JAZF1: variants seen among roughly 807,000 people sequenced by gnomAD.
The protein encoded by JAZF1 is juxtaposed with another zinc finger protein 1.
JAZF1 carries 8 observed loss-of-function variants against 26.4 expected under a neutral mutation model. The observed-to-expected ratio is 0.30, with a 90% confidence interval of 0.18 to 0.55. The LOEUF is 0.55. Ranked by LOEUF, JAZF1 falls within the 20% of genes least tolerant of loss-of-function variation. The probability of loss-of-function intolerance (pLI) is 0.94; values close to 1 mark genes in which losing one functional copy is unlikely to be tolerated. For missense variants in JAZF1, 199 were observed against 322.0 expected (o/e 0.62, Z 2.92); for synonymous variants, 126 against 122.3 (o/e 1.03, Z -0.20).
chr7:27,992,105 A>C, intron 1 of JAZF1, 124 bp from the exon 2 acceptor site: 1 of 730,406 alleles, frequency 1.4e-6, no homozygotes, highest in Non-Finnish European at 2.6e-6. Flanking sequence ...CTTTTTAAAG[A>C]AAACTGAGTC....
intron 3 of JAZF1, among the ~76,000 whole-genome samples, chr7:27,872,094 C>T (rs1052742371): frequency 6.6e-6 from 1 of 152,182 alleles, no homozygotes; most frequent in Non-Finnish European, 1.5e-5. Context: ...CACATAAACT[C>T]GTCCCCGCCA....
At chr7:28,087,022 T>G (rs1784222002) in intron 1 of JAZF1, among the ~76,000 whole-genome samples, 1 of 152,226 alleles carries the variant, frequency 6.6e-6, no homozygotes, top group Admixed American at 6.5e-5. Flanking sequence ...CTCATACTAA[T>G]CAATTTAATT....
intron 2 of JAZF1, among the ~76,000 whole-genome samples, chr7:27,981,779 G>A (rs1313128210): frequency 1.3e-5 from 2 of 152,110 alleles, no homozygotes; most frequent in Non-Finnish European, 2.9e-5. Context: ...TCTCCGAGAT[G>A]ACTTATCCAA....
intron 1 of JAZF1, among the ~76,000 whole-genome samples, chr7:28,112,439 C>T (rs1784675798): frequency 1.3e-5 from 2 of 152,120 alleles, no homozygotes; most frequent in Admixed American, 1.3e-4. Flanking sequence ...TAAGAGCACA[C>T]TTAAAGTTTG....
At chr7:27,886,077 A>T (rs1783857056) in intron 3 of JAZF1, among the ~76,000 whole-genome samples, 1 of 152,212 alleles carries the variant, frequency 6.6e-6, no homozygotes, top group South Asian at 2.1e-4. Flanking sequence ...TTGAAAGCAG[A>T]GCGGGGATAT....
intron 3 of JAZF1, chr7:27,843,214 T>A (rs528272853): frequency 6.6e-6 from 1 of 152,270 alleles, no homozygotes; most frequent in Non-Finnish European, 1.5e-5. Context: ...GTGAAACTAG[T>A]CATCTCCCTC....
intron 4 of JAZF1, among the ~76,000 whole-genome samples, chr7:27,834,434 T>A (rs1319670600): frequency 6.6e-6 from 1 of 152,226 alleles, no homozygotes; most frequent in Non-Finnish European, 1.5e-5. Context: ...GCTCAGAGTC[T>A]GAAGGTTGTC....
intron 1 of JAZF1, among the ~76,000 whole-genome samples, chr7:28,105,392 G>A (rs1171340868): frequency 1.3e-5 from 2 of 152,206 alleles, no homozygotes; most frequent in Non-Finnish European, 2.9e-5. Flanking sequence ...GACTCCTGGT[G>A]AGGAAGGTAA....
intron 1 of JAZF1, among the ~76,000 whole-genome samples, chr7:28,158,720 C>T (rs1446439193): frequency 1.3e-5 from 2 of 152,184 alleles, no homozygotes; most frequent in Non-Finnish European, 2.9e-5. Flanking sequence ...GTTTTTTTGC[C>T]TAAGTCCTCT....
intron 1 of JAZF1, among the ~76,000 whole-genome samples, chr7:28,073,250 G>A (rs940887377): frequency 1.2e-4 from 19 of 152,182 alleles, no homozygotes; most frequent in Non-Finnish European, 1.2e-4. Flanking sequence ...GTGCCGGAGC[G>A]TGGCTGGAGA....
Position 28,180,468 on chromosome 7 carries a change from T to G in JAZF1, c.110A>C (p.His37Pro). Residue 37 changes from histidine to proline, a missense_variant, in exon 1 of 5, where the codon CAC becomes CCC. Around this residue, in one of 2 missense-constraint regions of JAZF1, gnomAD observed 137 missense variants for 184.8 expected, o/e 0.74. Coordinates refer to ENST00000283928, the MANE Select transcript of JAZF1 (RefSeq NM_175061.4). ...CCCACCCCCGGGCCATTTACCGATGTGGTTGTCCTCGATGTGCTCGATGAG... is the reference window on the plus strand; with the variant it reads ...CCCACCCCCGGGCCATTTACCGATGGGGTTGTCCTCGATGTGCTCGATGAG... Reference protein sequence around the residue: ...ADLIEHIEDNHIDTDPRVLEK... With the variant: ...ADLIEHIEDNPIDTDPRVLEK... 6.2e-7 allele frequency: 1 copy of G among 1,606,682 alleles called. No individual in the cohort carries two copies. Among genetic ancestry groups the G allele is most frequent in the Non-Finnish European group, 8.5e-7 (1 of 1,176,140 alleles).
At chr7:27,925,658 G>A (rs538646655) in intron 2 of JAZF1, among the ~76,000 whole-genome samples, 6 of 152,210 alleles carry the variant, frequency 3.9e-5, no homozygotes, top group East Asian at 1.9e-4. Context: ...AACTCCCAGC[G>A]TCAAGGGATC....
intron 2 of JAZF1, among the ~76,000 whole-genome samples, chr7:27,915,171 G>T (rs1238558378): frequency 1.3e-5 from 2 of 152,134 alleles, no homozygotes; most frequent in Non-Finnish European, 2.9e-5. Context: ...ATTTTGTCTG[G>T]ATTTTATTGA....
At chr7:28,075,758 T>TA (rs549827771) in intron 1 of JAZF1, among the ~76,000 whole-genome samples, 6 of 151,362 alleles carry the variant, frequency 4.0e-5, no homozygotes, top group Admixed American at 1.3e-4. Context: ...TTTTTGCTAT[T>TA]AAAAAAAAAG....
intron 3 of JAZF1, among the ~76,000 whole-genome samples, chr7:27,893,762 G>A (rs1309901441): frequency 6.6e-6 from 1 of 152,160 alleles, no homozygotes; most frequent in African/African-American, 2.4e-5. Context: ...CTGTTTCTCA[G>A]ACAGCACAAA....
At chr7:27,922,833 C>T (rs1013820188) in intron 2 of JAZF1, among the ~76,000 whole-genome samples, 2 of 152,192 alleles carry the variant, frequency 1.3e-5, no homozygotes, top group African/African-American at 4.8e-5. Context: ...GGTGCCAGAG[C>T]CGTCTCCTCA....
Position 28,103,654 on chromosome 7 carries a change from TC to T in JAZF1, c.115+76808del, listed in dbSNP as rs1216399664. Among the ~76,000 whole-genome samples the T allele has an allele frequency of 5.9e-5, 9 of 152,212 alleles. No homozygotes were observed. In the East Asian group the frequency reaches 1.7e-3, roughly 30 times the overall value. ...AACCACTCTGGAGTCATCCTTGGTT[TC>T]TTTCTTTCTCTCATACCTAAACCAA... On this transcript the variant is annotated intron_variant, in intron 1 of 4. Coordinates refer to ENST00000283928, the MANE Select transcript of JAZF1 (RefSeq NM_175061.4).
intron 2 of JAZF1, among the ~76,000 whole-genome samples, chr7:27,988,529 C>T (rs1785812252): frequency 6.6e-6 from 1 of 152,050 alleles, no homozygotes; most frequent in African/African-American, 2.4e-5. Context: ...GTGTACACTA[C>T]CAAACCTGGC....
At chr7:27,891,145 A>G (rs1783969505) in intron 3 of JAZF1, among the ~76,000 whole-genome samples, 2 of 152,190 alleles carry the variant, frequency 1.3e-5, no homozygotes, top group African/African-American at 4.8e-5. Flanking sequence ...CTTTATTTTC[A>G]GATAATTTAA....
Sources: allele counts gnomAD v4.1 joint callset (sites outside exome capture counted in the v4.1 genomes callset), GRCh38; gene constraint gnomAD v4.1.1; regional missense constraint gnomAD v4.1.1; transcripts MANE v1.5; gene names NCBI Gene and HGNC (gene_info 2026-07-23, HGNC 2026-07-21).